The following KSR2 variants were observed in gnomAD, a reference collection of about 807,000 sequenced individuals.
KSR2 encodes the protein kinase suppressor of ras 2.
A neutral mutation model predicts 107.8 loss-of-function variants in KSR2; 25 were observed. The observed-to-expected ratio is 0.23, with a 90% confidence interval of 0.17 to 0.32. The LOEUF is 0.32. Among genes scored for constraint, KSR2 ranks in the 10% least tolerant of loss-of-function variants. The pLI is 1.00. For missense variants in KSR2, 887 were observed against 1,268.9 expected (o/e 0.70, Z 4.57); for synonymous variants, 480 against 507.0 (o/e 0.95, Z 0.71).
chr12:117,792,892 A>C (rs566693188), intron 3 of KSR2, among the ~76,000 whole-genome samples: 2 of 150,900 alleles, frequency 1.3e-5, no homozygotes, highest in African/African-American at 4.9e-5. Flanking sequence ...CACACACAAC[A>C]TGCAGACCCT....
intron 5 of KSR2, among the ~76,000 whole-genome samples, chr12:117,639,620 G>A (rs911774824): frequency 2.2e-4 from 27 of 124,400 alleles, no homozygotes; most frequent in Non-Finnish European, 4.2e-4. Flanking sequence ...ATGAGCCACC[G>A]CACCCAGCGT....
At chr12:117,837,136 G>A (rs1892250064) in intron 3 of KSR2, among the ~76,000 whole-genome samples, 1 of 152,154 alleles carries the variant, frequency 6.6e-6, no homozygotes, top group Non-Finnish European at 1.5e-5. Context: ...AGATGCCTCT[G>A]CCGTTCACTA....
intron 4 of KSR2, among the ~76,000 whole-genome samples, chr12:117,702,168 C>T (rs1308845949): frequency 6.6e-6 from 1 of 152,196 alleles, no homozygotes; most frequent in Non-Finnish European, 1.5e-5. Flanking sequence ...CTTCAGACAG[C>T]AGTTCTATCC....
At chr12:117,549,130 C>T (rs1877097005) in intron 9 of KSR2, among the ~76,000 whole-genome samples, 1 of 152,220 alleles carries the variant, frequency 6.6e-6, no homozygotes, top group Non-Finnish European at 1.5e-5. Context: ...GAAGCCTTCG[C>T]ACTCTATCTT....
intron 14 of KSR2, among the ~76,000 whole-genome samples, chr12:117,493,306 T>G (rs1348523640): frequency 6.6e-6 from 1 of 152,150 alleles, no homozygotes; most frequent in Admixed American, 6.5e-5. Context: ...AATGCACAAT[T>G]GATCAGGTCA....
At chr12:117,563,476 T>A (rs1211249904) in intron 7 of KSR2, among the ~76,000 whole-genome samples, 1 of 152,168 alleles carries the variant, frequency 6.6e-6, no homozygotes, top group Non-Finnish European at 1.5e-5. Flanking sequence ...AGTTTCCCCA[T>A]CTGTAAGGTG....
At chr12:117,550,359 G>T (rs531297271) in intron 9 of KSR2, among the ~76,000 whole-genome samples, 1 of 152,160 alleles carries the variant, frequency 6.6e-6, no homozygotes, top group Non-Finnish European at 1.5e-5. Flanking sequence ...CACTGATTTG[G>T]ACATGGCGGT....
At chr12:117,584,021 G>A (rs768031549) in intron 5 of KSR2, among the ~76,000 whole-genome samples, 6 of 152,142 alleles carry the variant, frequency 3.9e-5, no homozygotes, top group Non-Finnish European at 5.9e-5. Flanking sequence ...TAATGACACC[G>A]TCGGCAGCCG....
At chr12:117,484,387 A>C (rs1592917094) in intron 16 of KSR2, 29 bp downstream of exon 16, 3 of 1,611,660 alleles carry the variant, frequency 1.9e-6, no homozygotes, top group Non-Finnish European at 2.5e-6. Context: ...CTGTCAGGAA[A>C]CTCTCCGGGT....
intron 1 of KSR2, among the ~76,000 whole-genome samples, chr12:117,926,821 A>G (rs1331645021): frequency 2.0e-5 from 3 of 152,232 alleles, no homozygotes; most frequent in African/African-American, 7.2e-5. Flanking sequence ...CATGGCCTAC[A>G]GGACAGCAGA....
intron 5 of KSR2, among the ~76,000 whole-genome samples, chr12:117,616,785 A>G (rs1322737876): frequency 6.6e-6 from 1 of 152,108 alleles, no homozygotes; most frequent in African/African-American, 2.4e-5. Flanking sequence ...TGATATGCTC[A>G]TTTCTTTCTC....
chr12:117,489,813 C>A (rs1482971990), intron 14 of KSR2, among the ~76,000 whole-genome samples: 1 of 152,160 alleles, frequency 6.6e-6, no homozygotes, highest in African/African-American at 2.4e-5. Context: ...TAAAGATGAG[C>A]AGGCCTCAGG....
chr12:117,509,873 G>A (rs544327423), intron 14 of KSR2, among the ~76,000 whole-genome samples: 16 of 152,122 alleles, frequency 1.1e-4, no homozygotes, highest in Non-Finnish European at 1.5e-4. Flanking sequence ...ACTCGAAGTC[G>A]AATCTTTTGA....
intron 1 of KSR2, among the ~76,000 whole-genome samples, chr12:117,965,103 T>C (rs1247421437): frequency 6.6e-6 from 1 of 152,192 alleles, no homozygotes; most frequent in South Asian, 2.1e-4. Flanking sequence ...GAAGATATAA[T>C]CAAATCATCT....
At chr12:117,805,784 C>T (rs1439125799) in intron 3 of KSR2, among the ~76,000 whole-genome samples, 1 of 152,124 alleles carries the variant, frequency 6.6e-6, no homozygotes, top group African/African-American at 2.4e-5. Context: ...GAGTTCGAGA[C>T]CAGCCTGGCC....
chr12:117,625,829 G>A (rs1374364699), intron 5 of KSR2, among the ~76,000 whole-genome samples: 1 of 152,138 alleles, frequency 6.6e-6, no homozygotes, highest in African/African-American at 2.4e-5. Context: ...AATCCATCTG[G>A]TCCTGGACTT....
At chr12:117,932,738 T>G (rs940371346) in intron 1 of KSR2, among the ~76,000 whole-genome samples, 6 of 151,634 alleles carry the variant, frequency 4.0e-5, no homozygotes, top group African/African-American at 1.5e-4. Flanking sequence ...ATAGGCCGGG[T>G]GCAGTGGCTC....
At chr12:117,737,873 A>G (rs2136763768) in intron 4 of KSR2, among the ~76,000 whole-genome samples, 1 of 151,382 alleles carries the variant, frequency 6.6e-6, no homozygotes, top group South Asian at 2.1e-4. Flanking sequence ...TGTCGGCCAC[A>G]CTTTTTTCCT....
intron 3 of KSR2, among the ~76,000 whole-genome samples, chr12:117,781,724 T>C (rs1185330488): frequency 6.6e-6 from 1 of 152,206 alleles, no homozygotes; most frequent in Non-Finnish European, 1.5e-5. Flanking sequence ...AATATTTTAC[T>C]GGCTTGACCT....
Sources: gnomAD v4.1 joint callset for allele counts (sites outside exome capture counted in the v4.1 genomes callset) on GRCh38, gnomAD v4.1.1 for gene constraint, MANE v1.5 for transcripts, NCBI Gene and HGNC (gene_info 2026-07-23, HGNC 2026-07-21) for gene names.